Variants in SND1 observed in about 807,000 individuals in gnomAD.
The protein encoded by SND1 is staphylococcal nuclease domain-containing protein 1.
In SND1, 38 loss-of-function variants were observed where a neutral mutation model predicts 121.7. That is an observed-to-expected ratio of 0.31 (90% CI 0.24 to 0.41). The LOEUF (loss-of-function observed/expected upper bound fraction) is 0.41. Ranked by LOEUF, SND1 falls within the 10% of genes least tolerant of loss-of-function variation. The pLI is 1.00. For synonymous variants in SND1, 401 were observed against 447.4 expected (o/e 0.90, Z 1.31); for missense variants, 868 against 1,184.6 (o/e 0.73, Z 3.92).
intron 15 of SND1, among the ~76,000 whole-genome samples, chr7:127,943,202 G>T (rs1023657947): frequency 6.6e-6 from 1 of 152,050 alleles, no homozygotes; most frequent in Admixed American, 6.6e-5. Context: ...ATTAATCATT[G>T]TAATAATTTC....
chr7:128,016,430 T>C (rs1803226481), intron 16 of SND1, among the ~76,000 whole-genome samples: 1 of 152,208 alleles, frequency 6.6e-6, no homozygotes, highest in Non-Finnish European at 1.5e-5. Flanking sequence ...AATAAAATAC[T>C]GACTAAGAGG....
intron 16 of SND1, among the ~76,000 whole-genome samples, chr7:128,020,412 G>T (rs550184713): frequency 6.6e-6 from 1 of 152,196 alleles, no homozygotes; most frequent in African/African-American, 2.4e-5. Flanking sequence ...CAGCAATTGC[G>T]CTAGGTCGCG....
intron 10 of SND1, among the ~76,000 whole-genome samples, chr7:127,767,616 T>C (rs1267675259): frequency 3.3e-5 from 5 of 152,242 alleles, no homozygotes; most frequent in Non-Finnish European, 2.9e-5. Flanking sequence ...CTAATGAGGT[T>C]CTAATAACTC....
Position 128,029,136 on chromosome 7 carries a change from T to C in SND1, c.1779+38080T>C. 1 of 1,614,128 alleles carries C rather than the reference T, an allele frequency of 6.2e-7. No individual in the cohort carries two copies. Among genetic ancestry groups the C allele is most frequent in the Admixed American group, 1.7e-5 (1 of 60,022 alleles). ...GTCTGTCGCGGGTACTGCCACCTGC[T>C]TGGGCACACGGGTAGTCTGAATGAG... On this transcript the variant is annotated intron_variant, in intron 16 of 23. Transcript: ENST00000354725. This position sits in a 1 kb window ranked among gnomAD's most constrained non-coding sequence, Gnocchi z 4.2.
chr7:128,045,622 C>G (rs1792932516), intron 16 of SND1, among the ~76,000 whole-genome samples: 1 of 152,188 alleles, frequency 6.6e-6, no homozygotes, highest in Non-Finnish European at 1.5e-5. Context: ...TGCTGCAGCA[C>G]TAGAACATAG....
At chr7:127,825,138 C>G (rs527962843) in intron 11 of SND1, among the ~76,000 whole-genome samples, 1 of 152,008 alleles carries the variant, frequency 6.6e-6, no homozygotes, top group Admixed American at 6.5e-5. Flanking sequence ...AGAGACAGAG[C>G]CTTGCTCTGT....
At chr7:127,788,409 TTC>T (rs1797851061) in intron 10 of SND1, among the ~76,000 whole-genome samples, 2 of 152,226 alleles carry the variant, frequency 1.3e-5, no homozygotes, top group Admixed American at 1.3e-4. Context: ...AATCCAGTCT[TTC>T]TGTATTGTGA....
At chr7:128,055,235 C>T (rs991500978) in intron 16 of SND1, among the ~76,000 whole-genome samples, 1 of 152,176 alleles carries the variant, frequency 6.6e-6, no homozygotes, top group African/African-American at 2.4e-5. Flanking sequence ...GCCTTACCTT[C>T]TCCACAGCCT....
intron 16 of SND1, among the ~76,000 whole-genome samples, chr7:128,070,909 T>C (rs1311874865): frequency 6.6e-6 from 1 of 152,166 alleles, no homozygotes; most frequent in African/African-American, 2.4e-5. Flanking sequence ...ACAAAAAAAA[T>C]TGAGTCATCT....
rs571304768 is a variant in SND1 at position 127,652,286 on chromosome 7, C to T, written c.-88C>T. The stretch of plus-strand genomic sequence containing the variant: ...CAGCTGGTAGCCAGCCTGCCCCTCG[C>T]CTCGACTCCCTTTCACCAACACCGA... On this transcript the variant is annotated 5_prime_UTR_variant, in exon 1 of 24. Coordinates refer to ENST00000354725, the MANE Select transcript of SND1 (RefSeq NM_014390.4). 23 of 1,141,138 alleles carry T rather than the reference C, an allele frequency of 2.0e-5. No homozygotes were observed. In the African/African-American group the frequency reaches 3.1e-4, roughly 15 times the overall value. 70.7% of individuals were successfully genotyped at this position (1,141,138 alleles called of 1,614,324 possible). A position where few individuals can be genotyped will look rare whatever the true frequency, so the allele number is the denominator to read the frequency against.
intron 10 of SND1, among the ~76,000 whole-genome samples, chr7:127,758,276 C>T (rs1230644521): frequency 1.3e-5 from 2 of 152,194 alleles, no homozygotes; most frequent in Non-Finnish European, 2.9e-5. Flanking sequence ...CAGAGGTCTC[C>T]TGTGGATAGA....
intron 10 of SND1, among the ~76,000 whole-genome samples, chr7:127,775,460 C>T (rs1797601633): frequency 6.6e-6 from 1 of 151,658 alleles, no homozygotes; most frequent in Admixed American, 6.6e-5. Context: ...CAAGGGTATT[C>T]ATTTGGATTT....
intron 10 of SND1, among the ~76,000 whole-genome samples, chr7:127,796,450 T>A (rs946656692): frequency 1.3e-5 from 2 of 152,222 alleles, no homozygotes; most frequent in Admixed American, 6.5e-5. Flanking sequence ...TTTCTAGGAA[T>A]GTGGCACTAT....
At chr7:127,653,652 C>A (rs1795161345) in intron 1 of SND1, among the ~76,000 whole-genome samples, 3 of 152,120 alleles carry the variant, frequency 2.0e-5, no homozygotes, top group South Asian at 2.1e-4. Flanking sequence ...AAAAAAAATT[C>A]TATTTTATTA....
At chr7:127,684,959 T>G (rs964092140) in intron 1 of SND1, among the ~76,000 whole-genome samples, 6 of 152,214 alleles carry the variant, frequency 3.9e-5, no homozygotes, top group Admixed American at 2.6e-4. Context: ...TTGATAGAAT[T>G]TCCATAAAAA....
intron 16 of SND1, chr7:128,027,250 G>C (rs932295769): frequency 6.7e-6 from 1 of 149,758 alleles, no homozygotes; most frequent in African/African-American, 2.5e-5. Flanking sequence ...AGATGGACCA[G>C]AATAACAGAG....
intron 16 of SND1, among the ~76,000 whole-genome samples, chr7:128,008,890 C>T (rs1250679885): frequency 6.6e-6 from 1 of 152,152 alleles, no homozygotes; most frequent in Non-Finnish European, 1.5e-5. Flanking sequence ...TTCCAAAGCA[C>T]AGCTAAATGG....
chr7:127,736,967 C>A (rs1796786947), intron 10 of SND1, among the ~76,000 whole-genome samples: 1 of 152,138 alleles, frequency 6.6e-6, no homozygotes, highest in African/African-American at 2.4e-5. Context: ...TCGGGTACTT[C>A]TACAGTGCAC....
chr7:127,786,967 G>A (rs1303887380), intron 10 of SND1, among the ~76,000 whole-genome samples: 1 of 152,180 alleles, frequency 6.6e-6, no homozygotes, highest in Non-Finnish European at 1.5e-5. Flanking sequence ...AAAGAAATTA[G>A]CATATGAGTT....
Sources: gnomAD v4.1 joint callset for allele counts (sites outside exome capture counted in the v4.1 genomes callset) on GRCh38, gnomAD v4.1.1 for gene constraint, Gnocchi (gnomAD v3.1) non-coding constraint, MANE v1.5 for transcripts, NCBI Gene and HGNC (gene_info 2026-07-23, HGNC 2026-07-21) for gene names.